The following PAX7 variants were observed in gnomAD, a reference collection of about 807,000 sequenced individuals.
PAX7 encodes the protein paired box protein Pax-7.
A neutral mutation model predicts 50.7 loss-of-function variants in PAX7; 18 were observed. That is an observed-to-expected ratio of 0.36 (90% CI 0.25 to 0.53). The LOEUF is 0.53. Ranked by LOEUF, PAX7 falls within the 20% of genes least tolerant of loss-of-function variation. PAX7 has a pLI of 0.93. For synonymous variants in PAX7, 310 were observed against 290.4 expected (o/e 1.07, Z -0.69); for missense variants, 644 against 702.9 (o/e 0.92, Z 0.95).
Position 18,747,311 on chromosome 1 carries a change from C to T in PAX7, c.*2382C>T. The T allele has an allele frequency of 4.4e-6, 1 of 229,454 alleles. No homozygotes were observed. Among genetic ancestry groups the T allele is most frequent in the Admixed American group, 5.7e-5 (1 of 17,678 alleles). 14.2% of individuals were successfully genotyped at this position (229,454 alleles called of 1,614,324 possible). A position where few individuals can be genotyped will look rare whatever the true frequency, so the allele number is the denominator to read the frequency against. On this transcript the variant is annotated 3_prime_UTR_variant, in exon 9 of 9. Transcript: ENST00000420770. ...GATGGTGAAATGGAACAAAGACCTG[C>T]TTGGGAATAAACCAAATGATTTCTC...
chr1:18,652,931 T>C (rs1000644603), intron 4 of PAX7, among the ~76,000 whole-genome samples: 3 of 152,208 alleles, frequency 2.0e-5, no homozygotes, highest in Non-Finnish European at 2.9e-5. Flanking sequence ...GTTTTGTAGA[T>C]GAAAGCACAG....
chr1:18,631,713 C>T (rs1319402885), intron 1 of PAX7, 25 bp downstream of exon 1: 1 of 1,581,256 alleles, frequency 6.3e-7, no homozygotes, highest in Non-Finnish European at 8.6e-7. Context: ...GCTGGCCTCG[C>T]CGCGACTCCG....
intron 5 of PAX7, among the ~76,000 whole-genome samples, chr1:18,696,945 G>A (rs967943414): frequency 5.3e-5 from 8 of 152,136 alleles, no homozygotes; most frequent in African/African-American, 1.9e-4. Context: ...TGCTTGAGGT[G>A]ATGGATACCC....
chr1:18,738,512 A>G (rs1433597399), intron 8 of PAX7, among the ~76,000 whole-genome samples: 1 of 152,060 alleles, frequency 6.6e-6, no homozygotes, highest in African/African-American at 2.4e-5. Flanking sequence ...TTGCTTGGAC[A>G]AAGCCAGCCA....
intron 8 of PAX7, among the ~76,000 whole-genome samples, chr1:18,742,816 T>C (rs143744974): frequency 3.9e-5 from 6 of 152,348 alleles, no homozygotes; most frequent in African/African-American, 1.2e-4. Flanking sequence ...GCACATCCCT[T>C]GGGACTGTCG....
At chr1:18,690,406 G>C (rs1170366709) in intron 4 of PAX7, among the ~76,000 whole-genome samples, 2 of 152,234 alleles carry the variant, frequency 1.3e-5, no homozygotes, top group African/African-American at 4.8e-5. Context: ...AGGGGCTGCT[G>C]AGGGGCAGCT....
chr1:18,709,450 C>T lies in PAX7; in HGVS notation c.1155+6154C>T, dbSNP rs1225529604. 2.6e-5 allele frequency among the ~76,000 whole-genome samples: 4 copies of T among 152,248 alleles called. No individual in the cohort carries two copies. In the East Asian group the frequency reaches 5.8e-4, roughly 22 times the overall value. ...AAGTGTGCAGTTAACCACACAACCA[C>T]GATCACGGCCAACCAGCCTTTCTGT... is the stretch of plus-strand genomic sequence containing the variant. On this transcript the variant is annotated intron_variant, in intron 7 of 8. Transcript: ENST00000420770.
Position 18,726,835 on chromosome 1 carries a change from G to A in PAX7, c.1156-8797G>A, listed in dbSNP as rs1557554807. ...TCTTTCCAAGTCTGTATATCAAGCT[G>A]CACGTGGGAGGAGAAGAGACCCCAC... On this transcript the variant is annotated intron_variant, in intron 7 of 8. Coordinates refer to ENST00000420770, the MANE Select transcript of PAX7 (RefSeq NM_001135254.2). The surrounding 1 kb of genome is among the most constrained non-coding windows in gnomAD (Gnocchi z 4.8). Among the ~76,000 whole-genome samples the A allele has an allele frequency of 6.6e-6, 1 of 152,180 alleles. No homozygotes were observed. The highest frequency in any genetic ancestry group is 1.5e-5 in the Non-Finnish European group (1 of 68,028).
At chr1:18,736,464 CAA>C (rs35410898) in intron 8 of PAX7, among the ~76,000 whole-genome samples, 8 of 117,634 alleles carry the variant, frequency 6.8e-5, no homozygotes, top group Admixed American at 8.7e-5. Flanking sequence ...GACTCTGTCT[CAA>C]AAAAAAAAAA....
chr1:18,721,082 C>T (rs2089486957), intron 7 of PAX7, among the ~76,000 whole-genome samples: 1 of 152,066 alleles, frequency 6.6e-6, no homozygotes, highest in Non-Finnish European at 1.5e-5. Context: ...CCTGCCAGAG[C>T]CAGCTTCTCT....
chr1:18,662,313 C>T (rs2088611543), intron 4 of PAX7, among the ~76,000 whole-genome samples: 3 of 152,178 alleles, frequency 2.0e-5, no homozygotes, highest in Admixed American at 1.3e-4. Context: ...ACCCCTGCCC[C>T]GGCAGTCTTG....
chr1:18,654,644 GC>G (rs2088485458), intron 4 of PAX7, among the ~76,000 whole-genome samples: 2 of 152,166 alleles, frequency 1.3e-5, no homozygotes, highest in Non-Finnish European at 2.9e-5. Flanking sequence ...GTACAAATTT[GC>G]CAGGCCGTAA....
chr1:18,747,676 G>A lies in PAX7; in HGVS notation c.*2747G>A, dbSNP rs796182182. On this transcript the variant is annotated 3_prime_UTR_variant, in exon 9 of 9. Coordinates refer to ENST00000420770, the MANE Select transcript of PAX7 (RefSeq NM_001135254.2). ...AAATAGAGTCTGTAGCAAAATAAGA[G>A]CTGCTTCCTCCAACTTATCACAAGT... is the stretch of plus-strand genomic sequence containing the variant. 1.9e-5 allele frequency: 4 copies of A among 208,198 alleles called. No individual in the cohort carries two copies. Among genetic ancestry groups the A allele is most frequent in the African/African-American group, 9.1e-5 (4 of 43,968 alleles). The allele number at this position is 208,198 out of a possible 1,614,324, so 12.9% of individuals were successfully genotyped here. A position where few individuals can be genotyped will look rare whatever the true frequency, so the allele number is the denominator to read the frequency against.
chr1:18,693,603 A>C (rs1462569636), intron 5 of PAX7, among the ~76,000 whole-genome samples: 1 of 152,182 alleles, frequency 6.6e-6, no homozygotes, highest in Non-Finnish European at 1.5e-5. Flanking sequence ...CCTCACTCCC[A>C]GATTAGGGGT....
chr1:18,720,927 G>A (rs2089485551), intron 7 of PAX7, among the ~76,000 whole-genome samples: 1 of 152,042 alleles, frequency 6.6e-6, no homozygotes, highest in Admixed American at 6.5e-5. Flanking sequence ...CAGAGAGAGG[G>A]CTTGAGGGCT....
chr1:18,649,163 G>A (rs1215445032), intron 4 of PAX7, among the ~76,000 whole-genome samples: 2 of 152,128 alleles, frequency 1.3e-5, no homozygotes, highest in Non-Finnish European at 2.9e-5. Context: ...ACATGAGTGA[G>A]GCCAATGGAG....
rs1293373397 is a variant in PAX7 at position 18,662,006 on chromosome 1, CTTTG to C, written c.586+25639_586+25642del. Among the ~76,000 whole-genome samples, 5 of 151,892 alleles carry C rather than the reference CTTTG, an allele frequency of 3.3e-5. No homozygotes were observed. In the South Asian group the frequency reaches 1.0e-3, roughly 32 times the overall value. ...CAGCCACTTGGAGCTCAGAGAGTGGCTTTGTTTATTTTGGGGGCCCTGACTGAGC... is the reference window on the plus strand; with the variant it reads ...CAGCCACTTGGAGCTCAGAGAGTGGCTTTATTTTGGGGGCCCTGACTGAGC... On this transcript the variant is annotated intron_variant, in intron 4 of 8. Transcript: ENST00000420770.
intron 8 of PAX7, among the ~76,000 whole-genome samples, chr1:18,738,937 A>G (rs1046308799): frequency 1.3e-5 from 2 of 152,096 alleles, no homozygotes; most frequent in Non-Finnish European, 2.9e-5. Flanking sequence ...GAGACACATC[A>G]TGTTCCCGCT....
chr1:18,648,857 G>T (rs1407805929), intron 4 of PAX7, among the ~76,000 whole-genome samples: 1 of 152,168 alleles, frequency 6.6e-6, no homozygotes, highest in African/African-American at 2.4e-5. Flanking sequence ...AGGAGGTCAA[G>T]GCTGTGGGAA....
Sources: allele counts gnomAD v4.1 joint callset (sites outside exome capture counted in the v4.1 genomes callset), GRCh38; gene constraint gnomAD v4.1.1; non-coding constraint Gnocchi (gnomAD v3.1); transcripts MANE v1.5; gene names NCBI Gene and HGNC (gene_info 2026-07-23, HGNC 2026-07-21).